The following C6orf89 variants were observed in gnomAD, a reference collection of about 807,000 sequenced individuals.
C6orf89 encodes chromosome 6 open reading frame 89, also known as bombesin receptor-activated protein C6orf89.
A neutral mutation model predicts 40.7 loss-of-function variants in C6orf89; 29 were observed. That is an observed-to-expected ratio of 0.71 (90% CI 0.53 to 0.97). The LOEUF (loss-of-function observed/expected upper bound fraction) is 0.97. Ranked by LOEUF, C6orf89 falls within the 50% of genes least tolerant of loss-of-function variation. The pLI is 0.00. For synonymous variants in C6orf89, 165 were observed against 152.2 expected (o/e 1.08, Z -0.62); for missense variants, 392 against 429.1 (o/e 0.91, Z 0.76).
intron 4 of C6orf89, among the ~76,000 whole-genome samples, chr6:36,911,161 G>T (rs1762112493): frequency 6.6e-6 from 1 of 152,170 alleles, no homozygotes; most frequent in South Asian, 2.1e-4. Context: ...GAAATCCCAA[G>T]AATATCTAAA....
chr6:36,894,653 C>T, intron 2 of C6orf89, 50 bp downstream of exon 2: 1 of 674,658 alleles, frequency 1.5e-6, no homozygotes. Flanking sequence ...CTTGGGTTCA[C>T]ATCCTGGCAA....
chr6:36,876,216 C>T (rs999939213), intron 1 of C6orf89, among the ~76,000 whole-genome samples: 13 of 151,912 alleles, frequency 8.6e-5, no homozygotes, highest in African/African-American at 3.1e-4. Flanking sequence ...TGTGCCATTC[C>T]CAGGCTCCAA....
chr6:36,873,979 CT>C (rs915290948), intron 1 of C6orf89, among the ~76,000 whole-genome samples: 51 of 152,130 alleles, frequency 3.4e-4, no homozygotes, highest in Non-Finnish European at 5.6e-4. Flanking sequence ...TCACTTTGAG[CT>C]TTTTCCAAAG....
At chr6:36,911,619 C>T (rs1330272287) in intron 4 of C6orf89, among the ~76,000 whole-genome samples, 1 of 152,150 alleles carries the variant, frequency 6.6e-6, no homozygotes, top group Non-Finnish European at 1.5e-5. Context: ...GTGCCCCTTT[C>T]TCCTGGTGCT....
At chr6:36,897,129 C>CAAAAA (rs34191608) in intron 2 of C6orf89, among the ~76,000 whole-genome samples, 282 of 84,158 alleles carry the variant, frequency 3.4e-3, no homozygotes, top group Middle Eastern at 6.6e-3. Flanking sequence ...GACTCTGTCT[C>CAAAAA]AAAAAAAAAA....
intron 1 of C6orf89, among the ~76,000 whole-genome samples, chr6:36,887,936 C>G (rs867176953): frequency 6.6e-6 from 1 of 151,956 alleles, no homozygotes; most frequent in African/African-American, 2.4e-5. Flanking sequence ...GTTACCCAGG[C>G]TGGTCTTGGA....
chr6:36,904,654 T>C (rs1250253526), intron 4 of C6orf89, among the ~76,000 whole-genome samples: 4 of 140,976 alleles, frequency 2.8e-5, no homozygotes, highest in Non-Finnish European at 6.2e-5. Flanking sequence ...AGTAAAAATA[T>C]ATCATTTTTT....
chr6:36,920,052 A>T (rs1011151749), intron 8 of C6orf89, among the ~76,000 whole-genome samples: 5 of 152,242 alleles, frequency 3.3e-5, no homozygotes, highest in Admixed American at 1.3e-4. Context: ...CCCCACTGTC[A>T]GTCGAGCAGA....
chr6:36,886,020 G>T lies in C6orf89; in HGVS notation c.-128G>T. The T allele has an allele frequency of 8.0e-7, 1 of 1,257,368 alleles. No homozygotes were observed. The highest frequency in any genetic ancestry group is 1.0e-6 in the Non-Finnish European group (1 of 998,142). The allele number at this position is 1,257,368 out of a possible 1,614,324, so 77.9% of individuals were successfully genotyped here. Reference sequence around the variant, plus strand: ...GGCGGGAGGAGCCCGAGGGGCGCGAGCCCCGCATGTGAGTGACTGGGGCCC... The same window carrying T: ...GGCGGGAGGAGCCCGAGGGGCGCGATCCCCGCATGTGAGTGACTGGGGCCC... On this transcript the variant is annotated 5_prime_UTR_variant, in exon 1 of 9. Transcript: ENST00000480824.
Position 36,899,655 on chromosome 6 carries a change from T to C in C6orf89, c.189+22T>C. ...TAAGGTAAAATGTTTCCTGAGTTGG[T>C]AATTGCTTCAACAGAACACAAACTG... On this transcript the variant is annotated intron_variant, in intron 3 of 8. Coordinates refer to ENST00000480824, the MANE Select transcript of C6orf89 (RefSeq NM_001286635.2). The C allele has an allele frequency of 1.9e-6, 3 of 1,606,518 alleles. No homozygotes were observed. In the South Asian group the frequency reaches 3.3e-5, roughly 18 times the overall value.
upstream of C6orf89, among the ~76,000 whole-genome samples, chr6:36,883,723 T>A (rs1033793192): frequency 6.6e-6 from 1 of 152,228 alleles, no homozygotes; most frequent in Non-Finnish European, 1.5e-5. Flanking sequence ...AGGCCTTCAC[T>A]CTTCTAGAAA....
chr6:36,911,939 C>CG (rs1244659500), intron 4 of C6orf89, among the ~76,000 whole-genome samples: 1 of 148,274 alleles, frequency 6.7e-6, no homozygotes, highest in East Asian at 2.0e-4. Flanking sequence ...AACCCCCCCC[C>CG]CCCGACCTTT....
In C6orf89 at chr6:36,891,667, A is replaced by G. The variant is rs78112497; in HGVS notation, c.-119-2837A>G. Among the ~76,000 whole-genome samples the G allele has an allele frequency of 2.7e-3, 413 of 152,378 alleles. 2 individuals carry two copies. The highest frequency in any genetic ancestry group is 9.4e-3 in the African/African-American group (389 of 41,588). ...ATAAAATAGAATGGAATATATTCATAACACTAAAGAATGGATACCATACTT... is the reference window on the plus strand; with the variant it reads ...ATAAAATAGAATGGAATATATTCATGACACTAAAGAATGGATACCATACTT... On this transcript the variant is annotated intron_variant, in intron 1 of 8. Coordinates refer to ENST00000480824, the MANE Select transcript of C6orf89 (RefSeq NM_001286635.2).
In C6orf89 at chr6:36,899,594, A is replaced by AC. The variant is rs760020887; in HGVS notation, c.158dup (p.Gln54AlafsTer10). On this transcript the variant is annotated frameshift_variant, in exon 3 of 9. Transcript: ENST00000480824. LOFTEE classifies it high-confidence loss of function. Reference sequence around the variant, plus strand: ...TGCTGGAAAAGAATGAACCTCAGAGACCCCCCCCGCAGTATCCTCTCCTTA... The same window carrying AC: ...TGCTGGAAAAGAATGAACCTCAGAGACCCCCCCCCGCAGTATCCTCTCCTTA... The AC allele has an allele frequency of 2.6e-4, 423 of 1,609,772 alleles. 1 individual carries two copies. Among genetic ancestry groups the AC allele is most frequent in the South Asian group, 4.7e-4 (43 of 90,914 alleles).
chr6:36,909,105 A>C (rs1249408958), intron 4 of C6orf89, among the ~76,000 whole-genome samples: 3 of 150,538 alleles, frequency 2.0e-5, no homozygotes, highest in African/African-American at 4.9e-5. Flanking sequence ...AACCCTCTCT[A>C]TATATTTTTG....
upstream of C6orf89, among the ~76,000 whole-genome samples, chr6:36,882,731 T>C (rs1330354144): frequency 4.7e-4 from 33 of 70,842 alleles, no homozygotes; most frequent in East Asian, 2.0e-3. Flanking sequence ...TTTTTTCTTT[T>C]TTCTTTTTTT....
chr6:36,899,717 C>A, intron 3 of C6orf89, 84 bp downstream of exon 3: 2 of 1,319,930 alleles, frequency 1.5e-6, no homozygotes, highest in Non-Finnish European at 2.1e-6. Flanking sequence ...TTGACTAATC[C>A]CACCACTGAG....
upstream of C6orf89, among the ~76,000 whole-genome samples, chr6:36,881,286 G>C (rs1198098999): frequency 6.6e-6 from 1 of 152,206 alleles, no homozygotes; most frequent in Non-Finnish European, 1.5e-5. Flanking sequence ...GAAAATACAG[G>C]AATGTAAATT....
intron 7 of C6orf89, among the ~76,000 whole-genome samples, chr6:36,918,599 AG>A (rs1260559588): frequency 1.3e-5 from 2 of 152,178 alleles, no homozygotes; most frequent in Admixed American, 1.3e-4. Context: ...GAGAAAACCA[AG>A]ACATGGCCCA....
Sources: allele counts gnomAD v4.1 joint callset (sites outside exome capture counted in the v4.1 genomes callset), GRCh38; gene constraint gnomAD v4.1.1; transcripts MANE v1.5; gene names NCBI Gene and HGNC (gene_info 2026-07-23, HGNC 2026-07-21).